Variants in CAMTA1 observed in about 807,000 individuals in gnomAD.
CAMTA1 encodes the protein calmodulin binding transcription activator 1.
A neutral mutation model predicts 170.9 loss-of-function variants in CAMTA1; 27 were observed. That is an observed-to-expected ratio of 0.16 (90% CI 0.12 to 0.22). CAMTA1 has a LOEUF of 0.22. Among genes scored for constraint, CAMTA1 ranks in the 10% least tolerant of loss-of-function variants. The pLI, the probability that CAMTA1 is intolerant of heterozygous loss-of-function variation, is 1.00. For synonymous variants in CAMTA1, 833 were observed against 891.5 expected (o/e 0.93, Z 1.17); for missense variants, 1,619 against 2,217.2 (o/e 0.73, Z 5.42).
intron 3 of CAMTA1, among the ~76,000 whole-genome samples, chr1:6,962,224 C>T (rs1690554637): frequency 6.6e-6 from 1 of 152,184 alleles, no homozygotes; most frequent in South Asian, 2.1e-4. Context: ...CAACAGGTGA[C>T]GCTGTGTCCC....
intron 5 of CAMTA1, among the ~76,000 whole-genome samples, chr1:7,256,874 T>C (rs1371381535): frequency 2.0e-5 from 3 of 152,146 alleles, no homozygotes; most frequent in African/African-American, 4.8e-5. Flanking sequence ...GCCTGTTTCC[T>C]GGTGCATTTT....
chr1:7,629,306 A>T (rs1403625851), intron 6 of CAMTA1, among the ~76,000 whole-genome samples: 3 of 152,194 alleles, frequency 2.0e-5, no homozygotes, highest in Non-Finnish European at 2.9e-5. Flanking sequence ...GGCACCGGCC[A>T]TCATGGTGTC....
intron 3 of CAMTA1, among the ~76,000 whole-genome samples, chr1:6,967,757 C>T (rs1691813504): frequency 6.6e-6 from 1 of 152,152 alleles, no homozygotes; most frequent in Non-Finnish European, 1.5e-5. Flanking sequence ...CTGCTGAAGG[C>T]TGAGAGTGAT....
intron 11 of CAMTA1, chr1:7,693,298 G>C (rs2096338948): frequency 6.6e-6 from 1 of 152,232 alleles, no homozygotes; most frequent in South Asian, 2.1e-4. Flanking sequence ...GATCTCGTGA[G>C]ATGTATTCAC....
chr1:7,684,858 G>A (rs1185035148), intron 11 of CAMTA1, among the ~76,000 whole-genome samples: 1 of 152,132 alleles, frequency 6.6e-6, no homozygotes, highest in Non-Finnish European at 1.5e-5. Context: ...GATCCCAGCC[G>A]TCAGGCCTCA....
intron 4 of CAMTA1, among the ~76,000 whole-genome samples, chr1:7,107,873 A>G (rs927632483): frequency 6.6e-6 from 1 of 152,180 alleles, no homozygotes; most frequent in Non-Finnish European, 1.5e-5. Flanking sequence ...AGCTAATGGG[A>G]CCATAAATGG....
chr1:6,950,578 C>A (rs1385369806), intron 3 of CAMTA1, among the ~76,000 whole-genome samples: 4 of 152,176 alleles, frequency 2.6e-5, no homozygotes, highest in Admixed American at 6.5e-5. Flanking sequence ...AGAGACCTGG[C>A]TGATGGAGTA....
At chr1:7,439,776 G>A (rs1409232622) in intron 5 of CAMTA1, among the ~76,000 whole-genome samples, 2 of 152,218 alleles carry the variant, frequency 1.3e-5, no homozygotes, top group Non-Finnish European at 2.9e-5. Context: ...AGGTGCAGAT[G>A]AAGGGGTGAA....
chr1:6,982,517 G>A (rs1320516800), intron 3 of CAMTA1, among the ~76,000 whole-genome samples: 2 of 152,164 alleles, frequency 1.3e-5, no homozygotes, highest in East Asian at 1.9e-4. Flanking sequence ...ATGGGGGTGG[G>A]TGGCACAGCC....
rs552348883 is a variant in CAMTA1 at position 7,683,629 on chromosome 1, C to T, written c.2914+5896C>T. ...GCATGGGCCCCTGGGTACTTCTGTGCATAGCAGTAACAGGTGACAGAAGCA... is the reference window on the plus strand; with the variant it reads ...GCATGGGCCCCTGGGTACTTCTGTGTATAGCAGTAACAGGTGACAGAAGCA... On this transcript the variant is annotated intron_variant, in intron 11 of 22. Coordinates refer to ENST00000303635, the MANE Select transcript of CAMTA1 (RefSeq NM_015215.4). 5.4e-4 allele frequency among the ~76,000 whole-genome samples: 82 copies of T among 152,200 alleles called. 1 individual carries two copies. The highest frequency in any genetic ancestry group is 1.9e-3 in the African/African-American group (78 of 41,534).
intron 9 of CAMTA1, among the ~76,000 whole-genome samples, chr1:7,666,164 T>A (rs1332128446): frequency 1.5e-5 from 2 of 132,146 alleles, no homozygotes; most frequent in Admixed American, 1.4e-4. Context: ...AATGAAACTG[T>A]CTTAAAAAAA....
chr1:7,415,426 T>C (rs887265077), intron 5 of CAMTA1, among the ~76,000 whole-genome samples: 1 of 151,956 alleles, frequency 6.6e-6, no homozygotes, highest in African/African-American at 2.4e-5. Flanking sequence ...GGACTTGCTT[T>C]ATGAATCTGG....
chr1:7,428,275 C>T (rs765995422), intron 5 of CAMTA1, among the ~76,000 whole-genome samples: 3 of 152,038 alleles, frequency 2.0e-5, no homozygotes, highest in African/African-American at 7.2e-5. Context: ...CCTCGTCGGG[C>T]GAATGCACTG....
intron 3 of CAMTA1, among the ~76,000 whole-genome samples, chr1:6,995,290 C>CTTTTT (rs1212463100): frequency 1.1e-4 from 9 of 82,280 alleles, no homozygotes; most frequent in African/African-American, 4.3e-4. Flanking sequence ...TCTTTTTTTT[C>CTTTTT]TTTTCTTTTT....
At chr1:7,616,128 C>T (rs1475312533) in intron 6 of CAMTA1, among the ~76,000 whole-genome samples, 1 of 152,234 alleles carries the variant, frequency 6.6e-6, no homozygotes, top group Non-Finnish European at 1.5e-5. Context: ...TGGGCTTCCC[C>T]AGCTATAATT....
intron 6 of CAMTA1, among the ~76,000 whole-genome samples, chr1:7,496,060 A>G (rs978001258): frequency 1.3e-5 from 2 of 152,130 alleles, no homozygotes; most frequent in African/African-American, 4.8e-5. Flanking sequence ...GGGCTGCCCC[A>G]GGGAGCCGGA....
chr1:6,791,327 G>A (rs968483443), intron 1 of CAMTA1, among the ~76,000 whole-genome samples: 1 of 152,102 alleles, frequency 6.6e-6, no homozygotes, highest in African/African-American at 2.4e-5. Context: ...GTAGCACAAG[G>A]CATTGCTTCT....
intron 5 of CAMTA1, among the ~76,000 whole-genome samples, chr1:7,305,515 A>G (rs1376205480): frequency 6.6e-6 from 1 of 152,036 alleles, no homozygotes; most frequent in East Asian, 1.9e-4. Context: ...AATGTCTTAT[A>G]AATGGAATTA....
chr1:6,999,783 C>T (rs983783155), intron 3 of CAMTA1, among the ~76,000 whole-genome samples: 1 of 152,148 alleles, frequency 6.6e-6, no homozygotes, highest in Non-Finnish European at 1.5e-5. Flanking sequence ...AGGGCCTGCA[C>T]CCTCACTTGT....
Sources: gnomAD v4.1 joint callset for allele counts (sites outside exome capture counted in the v4.1 genomes callset) on GRCh38, gnomAD v4.1.1 for gene constraint, MANE v1.5 for transcripts, NCBI Gene and HGNC (gene_info 2026-07-23, HGNC 2026-07-21) for gene names.